Variants in CHL1 observed in about 807,000 individuals in gnomAD.
The protein encoded by CHL1 is neural cell adhesion molecule L1-like protein.
A neutral mutation model predicts 141.9 loss-of-function variants in CHL1; 96 were observed. The observed-to-expected ratio is 0.68, with a 90% CI of 0.57 to 0.80. The LOEUF (loss-of-function observed/expected upper bound fraction) is 0.80, where lower values mean the gene tolerates loss of function less well. Among genes scored for constraint, CHL1 ranks in the 30% least tolerant of loss-of-function variants. CHL1 has a pLI of 0.00. For missense variants in CHL1, 1,820 were observed against 1,457.2 expected, an observed-to-expected ratio of 1.25 and a Z score of -4.05; for synonymous variants, 613 against 502.2, an observed-to-expected ratio of 1.22 and a Z score of -2.95.
At chr3:257,355 T>TC (rs1221866416) in intron 2 of CHL1, among the ~76,000 whole-genome samples, 14 of 142,786 alleles carry the variant, frequency 9.8e-5, no homozygotes, top group African/African-American at 3.8e-4. Flanking sequence ...TTCTTCTTCT[T>TC]TTTTTTTTTT....
At chr3:390,028 AT>A (rs1708091907) in intron 20 of CHL1, among the ~76,000 whole-genome samples, 1 of 152,232 alleles carries the variant, frequency 6.6e-6, no homozygotes, top group South Asian at 2.1e-4. Context: ...TGTGAATAAT[AT>A]TAGGGGTTAT....
intron 1 of CHL1, among the ~76,000 whole-genome samples, chr3:233,462 G>T (rs1008853200): frequency 1.1e-4 from 17 of 152,004 alleles, no homozygotes; most frequent in African/African-American, 3.9e-4. Context: ...AGAAAATACT[G>T]TTTTTATTTC....
chr3:344,777 A>T, intron 9 of CHL1, 68 bp downstream of exon 9: 1 of 1,425,928 alleles, frequency 7.0e-7, no homozygotes, highest in South Asian at 1.3e-5. Context: ...CATCAAGCAC[A>T]TTAAGACTGT....
intron 1 of CHL1, among the ~76,000 whole-genome samples, chr3:235,168 ATT>A (rs1199456300): frequency 6.6e-6 from 1 of 151,980 alleles, no homozygotes; most frequent in Non-Finnish European, 1.5e-5. Context: ...TCTAAACATT[ATT>A]AAAAATATTT....
intron 5 of CHL1, among the ~76,000 whole-genome samples, chr3:329,014 A>G (rs1424805960): frequency 6.6e-6 from 1 of 152,166 alleles, no homozygotes; most frequent in African/African-American, 2.4e-5. Context: ...ACCGTAAATA[A>G]AATTTGTGTA....
At chr3:305,830 C>T (rs660892) in intron 2 of CHL1, among the ~76,000 whole-genome samples, 1 of 151,594 alleles carries the variant, frequency 6.6e-6, no homozygotes, top group African/African-American at 2.4e-5. Flanking sequence ...CCATTATTTT[C>T]TGTTACAATA....
chr3:335,861 G>C (rs185020000), intron 5 of CHL1, among the ~76,000 whole-genome samples: 14 of 152,240 alleles, frequency 9.2e-5, no homozygotes, highest in Admixed American at 8.5e-4. Context: ...AAAACTCCCT[G>C]TCCCTTTGGC....
chr3:311,407 T>C (rs1247572467), intron 2 of CHL1, among the ~76,000 whole-genome samples: 1 of 151,458 alleles, frequency 6.6e-6, no homozygotes, highest in African/African-American at 2.4e-5. Flanking sequence ...AGCATCAGTA[T>C]CTGTCACAGT....
chr3:328,635 G>C (rs1701197245), intron 5 of CHL1, among the ~76,000 whole-genome samples: 1 of 152,086 alleles, frequency 6.6e-6, no homozygotes, highest in South Asian at 2.1e-4. Context: ...CATATTATTA[G>C]TTAAACTTGG....
chr3:307,578 T>C (rs552730379), intron 2 of CHL1, among the ~76,000 whole-genome samples: 2 of 152,320 alleles, frequency 1.3e-5, no homozygotes, highest in South Asian at 4.1e-4. Context: ...GGGGCTCCCT[T>C]GATTTTTTAA....
At chr3:366,358 C>T (rs984896704) in intron 15 of CHL1, among the ~76,000 whole-genome samples, 1 of 151,746 alleles carries the variant, frequency 6.6e-6, no homozygotes, top group Non-Finnish European at 1.5e-5. Flanking sequence ...GTGATCCCAG[C>T]TACTCGAGAG....
chr3:215,736 A>G (rs977200795), intron 1 of CHL1, among the ~76,000 whole-genome samples: 1 of 152,088 alleles, frequency 6.6e-6, no homozygotes, highest in African/African-American at 2.4e-5. Context: ...AGTGACATCT[A>G]TTTCTTGACT....
chr3:276,833 G>C (rs1246647524), intron 2 of CHL1, among the ~76,000 whole-genome samples: 1 of 141,784 alleles, frequency 7.1e-6, no homozygotes. Flanking sequence ...AGGTTGCAGA[G>C]AGCCGAGATC....
chr3:275,485 C>T (rs114159856), intron 2 of CHL1, among the ~76,000 whole-genome samples: 36 of 152,252 alleles, frequency 2.4e-4, no homozygotes, highest in African/African-American at 8.4e-4. Context: ...TACCACATCT[C>T]TATAGAACAA....
chr3:267,492 T>C (rs1695257484), intron 2 of CHL1, among the ~76,000 whole-genome samples: 1 of 152,220 alleles, frequency 6.6e-6, no homozygotes, highest in Non-Finnish European at 1.5e-5. Flanking sequence ...AGAAGTTTTC[T>C]AGTAGCTGTT....
chr3:261,241 TA>T (rs1694694718), intron 2 of CHL1, among the ~76,000 whole-genome samples: 1 of 152,066 alleles, frequency 6.6e-6, no homozygotes, highest in African/African-American at 2.4e-5. Flanking sequence ...TTTACTAATT[TA>T]TTTTTTTTAC....
rs1470168255 is a variant in CHL1 at position 389,289 on chromosome 3, A to G, written c.2285A>G (p.Glu762Gly). ...ATGGAGCAGAATGGACCAGGCCTAGAGTACAGAGTGACCTGGAAGCCACAG... is the reference window on the plus strand; with the variant it reads ...ATGGAGCAGAATGGACCAGGCCTAGGGTACAGAGTGACCTGGAAGCCACAG... The part of the protein sequence containing the change: ...KSMEQNGPGL[E>G]YRVTWKPQGA... Residue 762 changes from glutamate (E) to glycine (G), a missense_variant, in exon 20 of 28, where the codon GAG becomes GGG. Transcript: ENST00000256509. 1.9e-6 allele frequency: 3 copies of G among 1,613,638 alleles called. No individual in the cohort carries two copies. The highest frequency in any genetic ancestry group is 1.7e-6 in the Non-Finnish European group (2 of 1,179,788).
intron 8 of CHL1, among the ~76,000 whole-genome samples, chr3:343,318 G>A (rs148178742): frequency 3.9e-4 from 60 of 152,172 alleles, no homozygotes; most frequent in African/African-American, 1.3e-3. Context: ...CTCCCAAAAC[G>A]TCTCTTATGG....
chr3:242,436 A>C (rs1357396454), intron 1 of CHL1, among the ~76,000 whole-genome samples: 1 of 135,654 alleles, frequency 7.4e-6, no homozygotes, highest in Admixed American at 7.7e-5. Context: ...CTCTACTAAA[A>C]ATACAAAAAA....
Sources: gnomAD v4.1 joint callset for allele counts (sites outside exome capture counted in the v4.1 genomes callset) on GRCh38, gnomAD v4.1.1 for gene constraint, MANE v1.5 for transcripts, NCBI Gene and HGNC (gene_info 2026-07-23, HGNC 2026-07-21) for gene names.